Variants in DOCK8 observed in about 807,000 individuals in gnomAD.
DOCK8 encodes dedicator of cytokinesis protein 8.
DOCK8 carries 141 observed loss-of-function variants against 245.6 expected under a neutral mutation model. The observed-to-expected ratio is 0.57, with a 90% CI of 0.50 to 0.66. DOCK8 has a LOEUF of 0.66. Among genes scored for constraint, DOCK8 ranks in the 30% least tolerant of loss-of-function variants. The pLI, the probability that DOCK8 is intolerant of heterozygous loss-of-function variation, is 0.00. For missense variants in DOCK8, 2,965 were observed against 2,603.4 expected, an observed-to-expected ratio of 1.14 and a Z score of -3.02; for synonymous variants, 1,168 against 970.2, an observed-to-expected ratio of 1.20 and a Z score of -3.79.
At chr9:399,920 A>G (rs1276454724) in intron 26 of DOCK8, among the ~76,000 whole-genome samples, 1 of 150,848 alleles carries the variant, frequency 6.6e-6, no homozygotes, top group Admixed American at 6.6e-5. Context: ...TGCTACTACT[A>G]CCACCAGCCA....
intron 7 of DOCK8, among the ~76,000 whole-genome samples, chr9:318,977 A>G (rs1374281507): frequency 6.6e-6 from 1 of 152,150 alleles, no homozygotes; most frequent in Non-Finnish European, 1.5e-5. Flanking sequence ...CATGGTCACT[A>G]AGAGAGATAT....
intron 41 of DOCK8, 116 bp downstream of exon 41, chr9:441,533 T>G: frequency 4.0e-6 from 6 of 1,487,674 alleles, no homozygotes; most frequent in Non-Finnish European, 5.5e-6. Flanking sequence ...ACATTGCTTT[T>G]GCTCTCACCT....
At position 420,440 on chromosome 9, in the gene DOCK8, C is replaced by T. The variant is rs1281735732; in HGVS notation, c.3880C>T (p.Arg1294Cys). ...QYNMLNADTTRNLMICFLWIM... is the reference protein window; with the variant it reads ...QYNMLNADTTCNLMICFLWIM... ...CAACATGCTGAACGCGGACACTACTCGCAACCTCATGATCTGCTTCCTCTG... is the reference window on the plus strand; with the variant it reads ...CAACATGCTGAACGCGGACACTACTTGCAACCTCATGATCTGCTTCCTCTG... The change falls in exon 31 of 48, where the codon CGC becomes TGC. Residue 1294 changes from arginine (R) to cysteine (C), a missense_variant. By Grantham distance (180) the Arg-to-Cys change is radical (BLOSUM62 -3). Around this residue, in one of 3 missense-constraint regions of DOCK8, gnomAD observed 2,825 missense variants for 2,453.5 expected, o/e 1.15. Coordinates refer to ENST00000432829, the MANE Select transcript of DOCK8 (RefSeq NM_203447.4). 8.7e-6 allele frequency: 14 copies of T among 1,614,038 alleles called. No individual in the cohort carries two copies. The East Asian group carries it at 8.9e-5, about 10-fold the overall frequency.
chr9:374,611 A>G (rs1586834139), intron 18 of DOCK8, among the ~76,000 whole-genome samples: 1 of 144,874 alleles, frequency 6.9e-6, no homozygotes, highest in East Asian at 2.0e-4. Flanking sequence ...ATAGGCATGC[A>G]CCACCACGCC....
chr9:280,981 C>CGGT (rs1170890859), intron 2 of DOCK8: 1 of 152,234 alleles, frequency 6.6e-6, no homozygotes, highest in Non-Finnish European at 1.5e-5. Context: ...GGGTTGGGCA[C>CGGT]GGTGGCTCAC....
intron 42 of DOCK8, among the ~76,000 whole-genome samples, chr9:442,761 T>C (rs2057133051): frequency 6.6e-6 from 1 of 152,016 alleles, no homozygotes. Flanking sequence ...ACTGGGGTCC[T>C]TTGAACTGCT....
intron 2 of DOCK8, among the ~76,000 whole-genome samples, chr9:285,291 C>A (rs375466710): frequency 1.3e-5 from 2 of 152,152 alleles, no homozygotes; most frequent in African/African-American, 4.8e-5. Context: ...TCTCTCCTCT[C>A]CAGCTTGAAG....
At chr9:382,893 G>A (rs1048995760) in intron 22 of DOCK8, among the ~76,000 whole-genome samples, 2 of 152,118 alleles carry the variant, frequency 1.3e-5, no homozygotes, top group African/African-American at 4.8e-5. Flanking sequence ...CTGAGGATTT[G>A]CTGAGAACTA....
At chr9:439,787 C>T in intron 40 of DOCK8, among the ~76,000 whole-genome samples, 1 of 152,036 alleles carries the variant, frequency 6.6e-6, no homozygotes, top group Non-Finnish European at 1.5e-5. Context: ...AGGGAGGAAC[C>T]ACTGGGAGGA....
At chr9:432,916 C>T (rs916927552) in intron 37 of DOCK8, among the ~76,000 whole-genome samples, 1 of 152,180 alleles carries the variant, frequency 6.6e-6, no homozygotes, top group Non-Finnish European at 1.5e-5. Context: ...ATTACGATGA[C>T]CGTGGAACTC....
At chr9:362,670 G>A (rs145851918) in intron 14 of DOCK8, among the ~76,000 whole-genome samples, 5 of 152,230 alleles carry the variant, frequency 3.3e-5, no homozygotes, top group Non-Finnish European at 2.9e-5. Context: ...GGGTCCAGTC[G>A]CTTAAACAGG....
At chr9:392,337 GTCAGGT>G in intron 24 of DOCK8, among the ~76,000 whole-genome samples, 1 of 152,260 alleles carries the variant, frequency 6.6e-6, no homozygotes, top group South Asian at 2.1e-4. Context: ...TTCAGAAGAA[GTCAGGT>G]TCATGCCACA....
rs571497698 is a variant in DOCK8, at chr9:372,904, C to G, written c.2109+618C>G. Among the ~76,000 whole-genome samples, 4 of 152,296 alleles carry G rather than the reference C, an allele frequency of 2.6e-5. No homozygotes were observed. In the East Asian group the frequency reaches 7.7e-4, roughly 29 times the overall value. Reference sequence around the variant, plus strand: ...AATTAGCTGGGCCTGCTGTTGGGTGCCTGTAATCCCAGCACTTTGGGAGGC... The same window carrying G: ...AATTAGCTGGGCCTGCTGTTGGGTGGCTGTAATCCCAGCACTTTGGGAGGC... On this transcript the variant is annotated intron_variant, in intron 18 of 47. Transcript: ENST00000432829.
intron 14 of DOCK8, among the ~76,000 whole-genome samples, chr9:357,770 G>A (rs534263765): frequency 6.6e-5 from 10 of 152,172 alleles, no homozygotes; most frequent in Admixed American, 2.6e-4. Context: ...CTAATCTTGC[G>A]CCATTTCCCA....
chr9:275,789 A>G (rs1327898491), intron 2 of DOCK8, among the ~76,000 whole-genome samples: 6 of 152,036 alleles, frequency 3.9e-5, no homozygotes, highest in African/African-American at 1.4e-4. Flanking sequence ...GGGTTTCACC[A>G]TGTTGGCCAG....
chr9:388,614 G>A (rs10973589), intron 23 of DOCK8, among the ~76,000 whole-genome samples: 25,493 of 151,602 alleles, frequency 0.17, 2,658 homozygotes, highest in Middle Eastern at 0.26. Context: ...GAGTGCCGTG[G>A]TGCAATCTTG....
chr9:332,101 C>A (rs1048326636), intron 9 of DOCK8, among the ~76,000 whole-genome samples: 3 of 152,064 alleles, frequency 2.0e-5, no homozygotes, highest in Non-Finnish European at 4.4e-5. Context: ...AGAAAATACA[C>A]ATAAGCAATG....
At chr9:312,193 G>A in intron 6 of DOCK8, 27 bp downstream of exon 6, 13 of 1,610,816 alleles carry the variant, frequency 8.1e-6, no homozygotes, top group Non-Finnish European at 1.1e-5. Context: ...CCATACTGGA[G>A]AATCTCAGTG....
intron 25 of DOCK8, among the ~76,000 whole-genome samples, chr9:398,328 C>T (rs1471614094): frequency 6.6e-6 from 1 of 152,162 alleles, no homozygotes; most frequent in African/African-American, 2.4e-5. Flanking sequence ...TTTATCAGGT[C>T]CCCATCCATC....
Sources: gnomAD v4.1 joint callset for allele counts (sites outside exome capture counted in the v4.1 genomes callset) on GRCh38, gnomAD v4.1.1 for gene constraint, gnomAD v4.1.1 regional missense constraint, MANE v1.5 for transcripts, NCBI Gene and HGNC (gene_info 2026-07-23, HGNC 2026-07-21) for gene names.